Variants in LPCAT1 observed in about 807,000 individuals in gnomAD.
The protein encoded by LPCAT1 is lysophosphatidylcholine acyltransferase 1, also known as 1-acylglycerol-3-phosphate O-acyltransferase.
LPCAT1 carries 23 observed loss-of-function variants against 60.9 expected under a neutral mutation model. The ratio of observed to expected loss-of-function variants is 0.38; its 90% CI spans 0.27 to 0.53. The LOEUF is 0.53. Among genes scored for constraint, LPCAT1 ranks in the 20% least tolerant of loss-of-function variants. The probability of loss-of-function intolerance (pLI) is 0.82; values close to 1 mark genes in which losing one functional copy is unlikely to be tolerated. For missense variants in LPCAT1, 622 were observed against 723.6 expected (o/e 0.86, Z 1.61); for synonymous variants, 340 against 301.1 (o/e 1.13, Z -1.34).
At chr5:1,517,731 G>A (rs998768066) in intron 1 of LPCAT1, among the ~76,000 whole-genome samples, 2 of 152,140 alleles carry the variant, frequency 1.3e-5, no homozygotes, top group African/African-American at 2.4e-5. Flanking sequence ...GAAGCAAGTA[G>A]TGACCATAGC....
chr5:1,518,562 G>A (rs1049675759), intron 1 of LPCAT1, among the ~76,000 whole-genome samples: 4 of 152,190 alleles, frequency 2.6e-5, no homozygotes, highest in Non-Finnish European at 5.9e-5. Flanking sequence ...GGATGGTCTC[G>A]ATCTCCCGAC....
In LPCAT1 at chr5:1,484,422, A is replaced by G. The variant is rs146048496; in HGVS notation, c.668-936T>C. ...TTTTTAACTGGAAAACTCAGGCATC[A>G]GAAGTACTCAAGTTTTAGAACAGGA... is the stretch of plus-strand genomic sequence containing the variant. On this transcript the variant is annotated intron_variant, in intron 5 of 13. Coordinates refer to ENST00000283415, the MANE Select transcript of LPCAT1 (RefSeq NM_024830.5). Among the ~76,000 whole-genome samples the G allele has an allele frequency of 3.9e-5, 6 of 152,378 alleles. No homozygotes were observed. In the East Asian group the frequency reaches 1.2e-3, roughly 29 times the overall value.
intron 7 of LPCAT1, 37 bp from the exon 8 acceptor site, chr5:1,479,712 A>G (rs776013469): frequency 6.6e-7 from 1 of 1,511,924 alleles, no homozygotes; most frequent in Non-Finnish European, 9.2e-7. Flanking sequence ...GCAGATTTAC[A>G]ACTCGGGTTA....
rs200706279 is a variant in LPCAT1 at position 1,465,487 on chromosome 5, C to T, written c.1420+1262G>A. On this transcript the variant is annotated intron_variant, in intron 13 of 13. Transcript: ENST00000283415. ...AACATGCATGCACACACAAAACAAG[C>T]GCATGCGCACACAGTAAACACGTGT... is the stretch of plus-strand genomic sequence containing the variant. 3.6e-4 allele frequency among the ~76,000 whole-genome samples: 54 copies of T among 148,430 alleles called. No individual in the cohort carries two copies. In the East Asian group the frequency reaches 5.0e-3, roughly 14 times the overall value.
intron 13 of LPCAT1, among the ~76,000 whole-genome samples, chr5:1,465,627 C>T (rs1415708159): frequency 1.3e-5 from 2 of 151,310 alleles, no homozygotes; most frequent in Non-Finnish European, 2.9e-5. Flanking sequence ...ACACACAAAA[C>T]AAGCACAAGA....
At chr5:1,494,423 G>T (rs572985841) in intron 3 of LPCAT1, among the ~76,000 whole-genome samples, 120 of 151,344 alleles carry the variant, frequency 7.9e-4, no homozygotes, top group African/African-American at 2.7e-3. Context: ...GTGGGGGGGG[G>T]GTCCCTCACT....
At chr5:1,505,128 G>A (rs554791272) in intron 1 of LPCAT1, among the ~76,000 whole-genome samples, 24 of 149,508 alleles carry the variant, frequency 1.6e-4, no homozygotes, top group East Asian at 9.9e-4. Context: ...AGTAACCCAC[G>A]CTGTTCCTGA....
In LPCAT1 at chr5:1,477,421, C is replaced by G. The variant is rs1734964132; in HGVS notation, c.882G>C (p.Val294=). Residue 294 remains valine (V), a synonymous_variant, in exon 9 of 14, where the codon GTG becomes GTC. Coordinates refer to ENST00000283415, the MANE Select transcript of LPCAT1 (RefSeq NM_024830.5). This position sits in a 1 kb window ranked among gnomAD's most constrained non-coding sequence, Gnocchi z 6.0. The stretch of plus-strand genomic sequence containing the variant: ...TCACTTACTCGGCCATGACTCGCCG[C>G]ACGTTGCTGGCATACAGCGCGGGGT... ...KRNPALYASN[V]RRVMAEALGV... is the part of the protein sequence containing the mutation. 5.6e-6 allele frequency: 9 copies of G among 1,614,038 alleles called. No individual in the cohort carries two copies. The highest frequency in any genetic ancestry group is 7.6e-6 in the Non-Finnish European group (9 of 1,179,954).
intron 9 of LPCAT1, 68 bp from the exon 10 acceptor site, chr5:1,474,753 T>A (rs1579764815): frequency 1.3e-6 from 2 of 1,539,020 alleles, no homozygotes; most frequent in East Asian, 4.6e-5. Context: ...CCCACCAGAA[T>A]AACCGCCGAT....
At chr5:1,511,107 C>T (rs2962041) in intron 1 of LPCAT1, among the ~76,000 whole-genome samples, 9,123 of 152,264 alleles carry the variant, frequency 0.06, 327 homozygotes, top group Middle Eastern at 0.092. Flanking sequence ...AGCCCCATAT[C>T]CCAGCAAGAA....
intron 2 of LPCAT1, 41 bp downstream of exon 2, chr5:1,501,420 A>ACCC (rs368802517): frequency 1.3e-6 from 2 of 1,484,522 alleles, no homozygotes; most frequent in Non-Finnish European, 1.8e-6. Flanking sequence ...TGGCCGCGTG[A>ACCC]CCCCCCCCCA....
At chr5:1,489,224 C>T (rs766867711) in intron 4 of LPCAT1, among the ~76,000 whole-genome samples, 1 of 152,216 alleles carries the variant, frequency 6.6e-6, no homozygotes, top group African/African-American at 2.4e-5. Flanking sequence ...TGCAAAGCTT[C>T]GTGAGCAATC....
chr5:1,497,765 G>A (rs1735846764), intron 2 of LPCAT1, among the ~76,000 whole-genome samples: 1 of 152,218 alleles, frequency 6.6e-6, no homozygotes, highest in Non-Finnish European at 1.5e-5. Flanking sequence ...CAACATACGG[G>A]GAGTACCTAG....
intron 11 of LPCAT1, among the ~76,000 whole-genome samples, chr5:1,473,563 G>A (rs116254780): frequency 1.0e-3 from 158 of 152,328 alleles, no homozygotes; most frequent in African/African-American, 3.6e-3. Flanking sequence ...CTGGCGGGGA[G>A]CCTCTAAGCC....
At chr5:1,474,538 G>C (rs993280863) in intron 10 of LPCAT1, 22 bp downstream of exon 10, 8 of 1,612,964 alleles carry the variant, frequency 5.0e-6, no homozygotes, top group Non-Finnish European at 5.9e-6. Context: ...TAATGCTCAA[G>C]GAAGAAGAAC....
chr5:1,489,874 G>A lies in LPCAT1; in HGVS notation c.494-16C>T, dbSNP rs1009407736. On this transcript the variant is annotated splice_polypyrimidine_tract_variant and intron_variant, in intron 3 of 13. Transcript: ENST00000283415. ...TGGATCAGAGCTGGAAGAGAGGAGG[G>A]GAGACGGATCACGTGGAATGCACGG... The A allele has an allele frequency of 6.4e-7, 1 of 1,568,618 alleles. No homozygotes were observed. The highest frequency in any genetic ancestry group is 1.1e-5 in the South Asian group (1 of 90,158).
intron 1 of LPCAT1, among the ~76,000 whole-genome samples, chr5:1,519,339 A>G (rs1418878689): frequency 3.9e-5 from 6 of 152,266 alleles, no homozygotes; most frequent in African/African-American, 1.2e-4. Flanking sequence ...GTACACACAT[A>G]TTCTCATACA....
chr5:1,496,234 G>A lies in LPCAT1; in HGVS notation c.279-1320C>T, dbSNP rs36992. Among the ~76,000 whole-genome samples, 7,212 of 152,082 alleles carry A rather than the reference G, an allele frequency of 0.047. 241 individuals are homozygous for A. Among genetic ancestry groups the A allele is most frequent in the East Asian group, 0.15 (749 of 5,148 alleles). On this transcript the variant is annotated intron_variant, in intron 2 of 13. Transcript: ENST00000283415. The surrounding 1 kb of genome is among the most constrained non-coding windows in gnomAD (Gnocchi z 4.7). ...AAATTAGCTGGGCATGGTGGCAGGC[G>A]TCTGTAATCCCAGCCACTCAGGAGG...
intron 8 of LPCAT1, among the ~76,000 whole-genome samples, chr5:1,478,070 A>G (rs1227113560): frequency 2.6e-5 from 4 of 152,282 alleles, no homozygotes; most frequent in African/African-American, 9.6e-5. Context: ...CAGTTTTGTA[A>G]TGGGGATAAT....
Sources: allele counts gnomAD v4.1 joint callset (sites outside exome capture counted in the v4.1 genomes callset), GRCh38; gene constraint gnomAD v4.1.1; non-coding constraint Gnocchi (gnomAD v3.1); transcripts MANE v1.5; gene names NCBI Gene and HGNC (gene_info 2026-07-23, HGNC 2026-07-21).